Variants in DCC observed in about 807,000 individuals in gnomAD.
The protein encoded by DCC is netrin receptor DCC.
Under a neutral mutation model 172.5 loss-of-function variants are expected in DCC, and 58 were observed. The observed-to-expected ratio is 0.34, with a 90% CI of 0.27 to 0.42. The LOEUF is 0.42. DCC is among the 10% of genes least tolerant of loss of function. DCC has a pLI of 1.00. For synonymous variants in DCC, 709 were observed against 644.5 expected, an observed-to-expected ratio of 1.10 and a Z score of -1.52; for missense variants, 1,740 against 1,791.0, an observed-to-expected ratio of 0.97 and a Z score of 0.51.
chr18:52,573,678 T>A (rs1294127785), intron 1 of DCC, among the ~76,000 whole-genome samples: 1 of 152,184 alleles, frequency 6.6e-6, no homozygotes. Context: ...CCTAGCCCAC[T>A]GACTCTTTAC....
At position 53,187,166 on chromosome 18, in the gene DCC, A is replaced by G. The variant is rs1211302447; in HGVS notation, c.1573+8050A>G. Among the ~76,000 whole-genome samples, 3 of 147,104 alleles carry G rather than the reference A, an allele frequency of 2.0e-5. No individual in the cohort carries two copies. In the East Asian group the frequency reaches 6.0e-4, roughly 29 times the overall value. Reference sequence around the variant, plus strand: ...GAGATGGAATCTTGCACTCTTGCCCAGGTTGGAGTGCAGTGGTGTGATCTC... The same window carrying G: ...GAGATGGAATCTTGCACTCTTGCCCGGGTTGGAGTGCAGTGGTGTGATCTC... On this transcript the variant is annotated intron_variant, in intron 9 of 28. Coordinates refer to ENST00000442544, the MANE Select transcript of DCC (RefSeq NM_005215.4).
chr18:53,023,253 A>C (rs1048936510), intron 5 of DCC, among the ~76,000 whole-genome samples: 10 of 151,706 alleles, frequency 6.6e-5, no homozygotes, highest in Non-Finnish European at 1.0e-4. Flanking sequence ...AAGAATATAC[A>C]GTTTTGTGAC....
At chr18:53,486,108 T>A (rs140712317) in intron 25 of DCC, among the ~76,000 whole-genome samples, 61 of 152,198 alleles carry the variant, frequency 4.0e-4, no homozygotes, top group African/African-American at 1.3e-3. Context: ...GAATAGCTAT[T>A]GAATAATGAA....
At chr18:52,927,128 C>CGTATATACGT (rs2040225568) in intron 5 of DCC, among the ~76,000 whole-genome samples, 1 of 36,466 alleles carries the variant, frequency 2.7e-5, no homozygotes, top group African/African-American at 8.8e-5. Context: ...TGTATATACA[C>CGTATATACGT]GTATATACGT....
Position 52,804,275 on chromosome 18 carries a change from C to T in DCC, c.412+51901C>T, listed in dbSNP as rs566353023. ...TTTAGTTCTCATGATTTCTTTTTAA[C>T]GAAGGAAGAAACTGGGGCTTAGAGA... On this transcript the variant is annotated intron_variant, in intron 2 of 28. Transcript: ENST00000442544. 2.1e-4 allele frequency among the ~76,000 whole-genome samples: 32 copies of T among 151,810 alleles called. 1 individual carries two copies. In the East Asian group the frequency reaches 4.5e-3, roughly 21 times the overall value.
intron 1 of DCC, among the ~76,000 whole-genome samples, chr18:52,733,425 A>G (rs966433094): frequency 2.6e-5 from 4 of 152,238 alleles, no homozygotes; most frequent in South Asian, 4.1e-4. Flanking sequence ...TTTCAGCTGC[A>G]TGTTAGTGTA....
chr18:53,389,757 A>G (rs1908421458), intron 16 of DCC, among the ~76,000 whole-genome samples: 1 of 152,212 alleles, frequency 6.6e-6, no homozygotes, highest in Non-Finnish European at 1.5e-5. Flanking sequence ...ACTGACTCCA[A>G]GAAACTCAGT....
chr18:52,819,826 C>T (rs923165726), intron 2 of DCC, among the ~76,000 whole-genome samples: 3 of 151,890 alleles, frequency 2.0e-5, no homozygotes, highest in Non-Finnish European at 2.9e-5. Context: ...TCATGCCATT[C>T]TCCTGCCTCA....
Position 53,532,835 on chromosome 18 carries a change from AAC to A in DCC, c.*2183_*2184del, listed in dbSNP as rs2046538093. The stretch of plus-strand genomic sequence containing the variant: ...GTTGACCAATTAAAAAAAAAAAAAA[AAC>A]CTATCATTTTCACAAATTTCTAGAT... On this transcript the variant is annotated 3_prime_UTR_variant, in exon 29 of 29. Coordinates refer to ENST00000442544, the MANE Select transcript of DCC (RefSeq NM_005215.4). 6.7e-6 allele frequency: 1 copy of A among 148,770 alleles called. No homozygotes were observed. The highest frequency in any genetic ancestry group is 2.5e-5 in the African/African-American group (1 of 40,260). 9.2% of individuals were successfully genotyped at this position (148,770 alleles called of 1,614,324 possible). A position where few individuals can be genotyped will look rare whatever the true frequency, so the allele number is the denominator to read the frequency against.
At chr18:53,404,548 G>A (rs1231662621) in intron 19 of DCC, among the ~76,000 whole-genome samples, 2 of 151,826 alleles carry the variant, frequency 1.3e-5, no homozygotes, top group Non-Finnish European at 2.9e-5. Context: ...TGGCTAACAC[G>A]GTGAAACCCT....
At chr18:52,993,336 G>C (rs1239855270) in intron 5 of DCC, among the ~76,000 whole-genome samples, 4 of 152,096 alleles carry the variant, frequency 2.6e-5, no homozygotes, top group Non-Finnish European at 5.9e-5. Flanking sequence ...ATTTGGCAAA[G>C]GTACAATAAT....
rs1196495193 is a variant in DCC at position 53,325,322 on chromosome 18, C to T, written c.2164+3165C>T. Among the ~76,000 whole-genome samples the T allele has an allele frequency of 5.3e-5, 8 of 151,352 alleles. No homozygotes were observed. In the East Asian group the frequency reaches 1.2e-3, roughly 22 times the overall value. ...AACACAGTGATTCAAGGCAAACAAA[C>T]GATTCTAAGAAGTGAGATCACGTTA... On this transcript the variant is annotated intron_variant, in intron 14 of 28. Coordinates refer to ENST00000442544, the MANE Select transcript of DCC (RefSeq NM_005215.4).
At chr18:52,419,509 GA>G (rs1225631825) in intron 1 of DCC, 8 of 152,156 alleles carry the variant, frequency 5.3e-5, no homozygotes, top group Non-Finnish European at 1.0e-4. Flanking sequence ...ATGTGTTTGA[GA>G]ATCAAATCTG....
At chr18:52,602,287 G>A (rs117543179) in intron 1 of DCC, among the ~76,000 whole-genome samples, 6,157 of 152,000 alleles carry the variant, frequency 0.041, 160 homozygotes, top group Non-Finnish European at 0.054. Context: ...AGGCATTCTC[G>A]TAAATATGTA....
intron 14 of DCC, among the ~76,000 whole-genome samples, chr18:53,330,893 T>C (rs2057523444): frequency 1.3e-5 from 2 of 152,348 alleles, no homozygotes; most frequent in Non-Finnish European, 2.9e-5. Flanking sequence ...ACAAAGACCA[T>C]GCTTTGTCTT....
intron 12 of DCC, among the ~76,000 whole-genome samples, chr18:53,301,443 AAAAC>A (rs908943158): frequency 2.6e-5 from 4 of 152,144 alleles, no homozygotes; most frequent in African/African-American, 9.7e-5. Flanking sequence ...TCAAAAAAAA[AAAAC>A]AAACAAAAAA....
At chr18:52,489,421 T>C (rs896236169) in intron 1 of DCC, among the ~76,000 whole-genome samples, 1 of 152,094 alleles carries the variant, frequency 6.6e-6, no homozygotes, top group Non-Finnish European at 1.5e-5. Context: ...CCTAGAGGAC[T>C]TAGAGATTGC....
At chr18:52,544,874 T>C (rs1326115632) in intron 1 of DCC, among the ~76,000 whole-genome samples, 1 of 152,184 alleles carries the variant, frequency 6.6e-6, no homozygotes, top group Non-Finnish European at 1.5e-5. Flanking sequence ...ACCTGAGTTA[T>C]AACCATTATT....
At chr18:53,263,768 G>C (rs554307148) in intron 12 of DCC, among the ~76,000 whole-genome samples, 2 of 151,890 alleles carry the variant, frequency 1.3e-5, no homozygotes, top group South Asian at 2.1e-4. Context: ...TACCCTGTTA[G>C]TAGCTCTAAA....
Sources: allele counts gnomAD v4.1 joint callset (sites outside exome capture counted in the v4.1 genomes callset), GRCh38; gene constraint gnomAD v4.1.1; transcripts MANE v1.5; gene names NCBI Gene and HGNC (gene_info 2026-07-23, HGNC 2026-07-21).